Variants in RAP2A observed in about 807,000 individuals in gnomAD.
RAP2A encodes ras-related protein Rap-2a.
In RAP2A, 5 loss-of-function variants were observed where a neutral mutation model predicts 15.1. The ratio of observed to expected loss-of-function variants is 0.33; its 90% CI spans 0.17 to 0.70. The LOEUF (loss-of-function observed/expected upper bound fraction) is 0.70. Ranked by LOEUF, RAP2A falls within the 30% of genes least tolerant of loss-of-function variation. The pLI, the probability that RAP2A is intolerant of heterozygous loss-of-function variation, is 0.68. For synonymous variants in RAP2A, 110 were observed against 99.7 expected (o/e 1.10, Z -0.62); for missense variants, 111 against 240.3 (o/e 0.46, Z 3.56).
At chr13:97,438,339 C>T (rs1445380747) in intron 1 of RAP2A, among the ~76,000 whole-genome samples, 5 of 152,158 alleles carry the variant, frequency 3.3e-5, no homozygotes, top group African/African-American at 1.2e-4. Flanking sequence ...TTGCACCCAT[C>T]CTTTTATTCT....
At chr13:97,452,658 A>ACACC (rs1198828098) in intron 1 of RAP2A, among the ~76,000 whole-genome samples, 1 of 150,588 alleles carries the variant, frequency 6.6e-6, no homozygotes, top group Non-Finnish European at 1.5e-5. Flanking sequence ...ACGCACACAC[A>ACACC]CACACACACA....
intron 1 of RAP2A, among the ~76,000 whole-genome samples, chr13:97,450,050 A>G (rs1452595380): frequency 6.6e-6 from 1 of 152,104 alleles, no homozygotes; most frequent in Non-Finnish European, 1.5e-5. Context: ...CTACAACAAT[A>G]GAAAAATCTT....
Position 97,468,190 on chromosome 13 carries a change from T to TA in RAP2A, c.*3752dup, listed in dbSNP as rs1566477245. 6.6e-6 allele frequency: 1 copy of TA among 152,006 alleles called. No homozygotes were observed. Among genetic ancestry groups the TA allele is most frequent in the African/African-American group, 2.4e-5 (1 of 41,446 alleles). 9.4% of individuals were successfully genotyped at this position (152,006 alleles called of 1,614,324 possible). On this transcript the variant is annotated 3_prime_UTR_variant, in exon 2 of 2. Coordinates refer to ENST00000245304, the MANE Select transcript of RAP2A (RefSeq NM_021033.7). ...AATAAAAATAACATGTAAGAGACTG[T>TA]AAAATCAGTTATTATAAATATAAAC...
chr13:97,455,483 GC>G (rs2066719056), intron 1 of RAP2A, among the ~76,000 whole-genome samples: 1 of 151,278 alleles, frequency 6.6e-6, no homozygotes, highest in Non-Finnish European at 1.5e-5. Context: ...AGTCTCTGGG[GC>G]CCTGTTACAG....
At chr13:97,434,851 C>T (rs1045002241) in intron 1 of RAP2A, 67 bp downstream of exon 1, 15 of 1,578,654 alleles carry the variant, frequency 9.5e-6, no homozygotes, top group African/African-American at 4.1e-5. Flanking sequence ...CTGGAACTCC[C>T]CGCGCGGGGC....
intron 1 of RAP2A, among the ~76,000 whole-genome samples, chr13:97,435,245 T>G (rs2153178845): frequency 6.6e-6 from 1 of 152,246 alleles, no homozygotes; most frequent in South Asian, 2.1e-4. Context: ...TCTCATCTCG[T>G]TAAAGGTTTA....
At chr13:97,462,582 G>A (rs571260854) in intron 1 of RAP2A, among the ~76,000 whole-genome samples, 8 of 152,298 alleles carry the variant, frequency 5.3e-5, no homozygotes, top group Admixed American at 3.3e-4. Context: ...GCCCGAAATC[G>A]TAAGGTACAG....
At chr13:97,451,460 G>T (rs2066702041) in intron 1 of RAP2A, among the ~76,000 whole-genome samples, 1 of 152,078 alleles carries the variant, frequency 6.6e-6, no homozygotes, top group African/African-American at 2.4e-5. Context: ...CCATCATTCA[G>T]CATCCTCTAT....
At chr13:97,452,650 G>GCGCACACA (rs1555326584) in intron 1 of RAP2A, among the ~76,000 whole-genome samples, 5 of 148,070 alleles carry the variant, frequency 3.4e-5, no homozygotes, top group East Asian at 2.0e-4. Flanking sequence ...ACACACACAC[G>GCGCACACA]CACACACACA....
chr13:97,434,836 C>T, intron 1 of RAP2A, 52 bp downstream of exon 1: 1 of 1,598,230 alleles, frequency 6.3e-7, no homozygotes, highest in African/African-American at 1.3e-5. Context: ...GTCACCGTCC[C>T]GGGGCTGGAA....
intron 1 of RAP2A, among the ~76,000 whole-genome samples, chr13:97,449,552 C>A (rs1328904190): frequency 6.6e-6 from 1 of 152,144 alleles, no homozygotes; most frequent in Non-Finnish European, 1.5e-5. Flanking sequence ...ACCATCCACT[C>A]TCCCTTGCCC....
At chr13:97,459,370 T>A (rs540802056) in intron 1 of RAP2A, among the ~76,000 whole-genome samples, 148 of 152,142 alleles carry the variant, frequency 9.7e-4, no homozygotes, top group Non-Finnish European at 1.8e-3. Context: ...CATCACCCAC[T>A]AACAAAGCAC....
Position 97,434,775 on chromosome 13 carries a change from G to A in RAP2A, c.305G>A (p.Arg102His). ...DIKPMRDQII[R>H]VKRYEKVPVI... The stretch of plus-strand genomic sequence containing the variant: ...AAGCCCATGCGGGACCAGATCATCC[G>A]CGTGAAGCGGTGAGCGAGGGCACAC... The change falls in exon 1 of 2, where the codon CGC becomes CAC. Residue 102 changes from arginine (R) to histidine (H), a missense_variant. Transcript: ENST00000245304. 1 of 1,614,002 alleles carries A rather than the reference G, an allele frequency of 6.2e-7. No individual in the cohort carries two copies. The highest frequency in any genetic ancestry group is 8.5e-7 in the Non-Finnish European group (1 of 1,179,978).
rs2066767873 is a variant in RAP2A at position 97,465,727 on chromosome 13, T to TA, written c.*1285_*1286insA. The TA allele has an allele frequency of 6.6e-6, 1 of 152,234 alleles. No individual in the cohort carries two copies. Among genetic ancestry groups the TA allele is most frequent in the South Asian group, 2.1e-4 (1 of 4,836 alleles). 9.4% of individuals were successfully genotyped at this position (152,234 alleles called of 1,614,324 possible). On this transcript the variant is annotated 3_prime_UTR_variant, in exon 2 of 2. Coordinates refer to ENST00000245304, the MANE Select transcript of RAP2A (RefSeq NM_021033.7). ...AAAAGGTGCTCAAGCTCTGACATTT[T>TA]TGGTTTTCATAGTCGTGAAGTATTT... is the stretch of plus-strand genomic sequence containing the variant.
chr13:97,463,542 G>A (rs899412879), intron 1 of RAP2A, among the ~76,000 whole-genome samples: 1 of 152,194 alleles, frequency 6.6e-6, no homozygotes, highest in Non-Finnish European at 1.5e-5. Context: ...AAGGGATGGG[G>A]TGTGGTTGTA....
At chr13:97,434,900 G>A (rs2066626270) in intron 1 of RAP2A, 116 bp downstream of exon 1, 28 of 1,397,126 alleles carry the variant, frequency 2.0e-5, no homozygotes, top group Non-Finnish European at 2.7e-5. Context: ...CTCCAAGCTG[G>A]AGGCTTTACT....
intron 1 of RAP2A, among the ~76,000 whole-genome samples, chr13:97,436,373 C>G (rs763112240): frequency 2.6e-4 from 40 of 152,156 alleles, no homozygotes; most frequent in Non-Finnish European, 5.0e-4. Flanking sequence ...ACCAAACCAA[C>G]TGCAGGGTAG....
At chr13:97,444,731 C>T (rs1340184899) in intron 1 of RAP2A, among the ~76,000 whole-genome samples, 1 of 151,952 alleles carries the variant, frequency 6.6e-6, no homozygotes, top group Non-Finnish European at 1.5e-5. Flanking sequence ...ATTTTTGCAC[C>T]AAAAACATTG....
intron 1 of RAP2A, among the ~76,000 whole-genome samples, chr13:97,458,891 C>T (rs891385219): frequency 2.0e-5 from 3 of 151,668 alleles, no homozygotes; most frequent in Non-Finnish European, 4.4e-5. Context: ...ATGCTACAGC[C>T]AGTATTTCTG....
Sources: gnomAD v4.1 joint callset for allele counts (sites outside exome capture counted in the v4.1 genomes callset) on GRCh38, gnomAD v4.1.1 for gene constraint, MANE v1.5 for transcripts, NCBI Gene and HGNC (gene_info 2026-07-23, HGNC 2026-07-21) for gene names.